Variants in GNB4 observed in about 807,000 individuals in gnomAD.
GNB4 encodes the protein guanine nucleotide-binding protein subunit beta-4.
Under a neutral mutation model 45.2 loss-of-function variants are expected in GNB4, and 28 were observed. That is an observed-to-expected ratio of 0.62 (90% CI 0.46 to 0.85). The LOEUF (loss-of-function observed/expected upper bound fraction) is 0.85. GNB4 is among the 40% of genes least tolerant of loss of function. The probability of loss-of-function intolerance (pLI) is 0.00; values close to 1 mark genes in which losing one functional copy is unlikely to be tolerated. For missense variants in GNB4, 321 were observed against 425.4 expected, an observed-to-expected ratio of 0.75 and a Z score of 2.16; for synonymous variants, 132 against 143.7, an observed-to-expected ratio of 0.92 and a Z score of 0.58.
intron 1 of GNB4, among the ~76,000 whole-genome samples, chr3:179,432,654 AT>A (rs2108610095): frequency 6.6e-6 from 1 of 152,312 alleles, no homozygotes; most frequent in African/African-American, 2.4e-5. Context: ...GACTATAAAA[AT>A]TTTTAATTCT....
the GNB4 span, among the ~76,000 whole-genome samples, chr3:179,519,951 T>G: frequency 2.0e-5 from 3 of 152,180 alleles, no homozygotes; most frequent in African/African-American, 7.2e-5. Context: ...TTCCCCCATT[T>G]TGTCTGTCCA....
the GNB4 span, among the ~76,000 whole-genome samples, chr3:179,496,392 C>G: frequency 1.3e-5 from 2 of 151,886 alleles, no homozygotes; most frequent in Middle Eastern, 3.4e-3. Context: ...AAAAAACAAC[C>G]AATCAAATCA....
chr3:179,420,415 C>T (rs1007558389), intron 3 of GNB4, among the ~76,000 whole-genome samples: 1 of 150,408 alleles, frequency 6.6e-6, no homozygotes, highest in African/African-American at 2.4e-5. Flanking sequence ...ACTGGGATTA[C>T]AGACATGAGC....
At chr3:179,466,783 C>T in the GNB4 span, among the ~76,000 whole-genome samples, 1 of 152,166 alleles carries the variant, frequency 6.6e-6, no homozygotes, top group Non-Finnish European at 1.5e-5. Flanking sequence ...ATATACATGA[C>T]ATGTAAGGTA....
the GNB4 span, among the ~76,000 whole-genome samples, chr3:179,508,918 C>T: frequency 5.3e-5 from 4 of 75,768 alleles, no homozygotes; most frequent in Admixed American, 1.6e-4. Flanking sequence ...ATCAAAACCT[C>T]TCTTTCAGCA....
intron 8 of GNB4, among the ~76,000 whole-genome samples, chr3:179,410,015 C>T (rs1714604912): frequency 6.6e-6 from 1 of 152,058 alleles, no homozygotes; most frequent in African/African-American, 2.4e-5. Context: ...ACAGTGAGTT[C>T]TCACGAGATC....
intron 8 of GNB4, among the ~76,000 whole-genome samples, chr3:179,412,813 C>T (rs906795074): frequency 1.3e-5 from 2 of 150,980 alleles, no homozygotes; most frequent in African/African-American, 2.4e-5. Context: ...AGAACATCCA[C>T]GATCTGCTTG....
the GNB4 span, among the ~76,000 whole-genome samples, chr3:179,509,034 T>G: frequency 6.7e-6 from 1 of 149,396 alleles, no homozygotes; most frequent in African/African-American, 2.5e-5. Context: ...AAATATGTAT[T>G]TCCTAGCTCT....
At chr3:179,462,017 T>G in the GNB4 span, among the ~76,000 whole-genome samples, 28 of 152,250 alleles carry the variant, frequency 1.8e-4, no homozygotes, top group Non-Finnish European at 4.1e-4. Flanking sequence ...TTTACTGAAT[T>G]ATATGTTCCT....
the GNB4 span, among the ~76,000 whole-genome samples, chr3:179,501,415 C>T: frequency 6.6e-6 from 1 of 151,774 alleles, no homozygotes; most frequent in Non-Finnish European, 1.5e-5. Flanking sequence ...TCTCCCACCT[C>T]AGCCTCTTGA....
the GNB4 span, among the ~76,000 whole-genome samples, chr3:179,459,859 C>G: frequency 6.6e-6 from 1 of 152,176 alleles, no homozygotes; most frequent in Non-Finnish European, 1.5e-5. Flanking sequence ...AGTTGGATCT[C>G]ATAAACAAAA....
intron 1 of GNB4, among the ~76,000 whole-genome samples, chr3:179,450,583 G>A (rs1715842796): frequency 1.3e-5 from 2 of 152,278 alleles, no homozygotes; most frequent in African/African-American, 4.8e-5. Context: ...GGGAAGGAGT[G>A]GGAGAAAAGG....
chr3:179,505,377 G>A, the GNB4 span, among the ~76,000 whole-genome samples: 1 of 152,096 alleles, frequency 6.6e-6, no homozygotes, highest in Non-Finnish European at 1.5e-5. Context: ...ATAGTACCTC[G>A]GAATTTAAAG....
rs11389978 is a variant in GNB4, at chr3:179,435,470, CA to C, written c.-42-9229del. On this transcript the variant is annotated intron_variant, in intron 1 of 9. Coordinates refer to ENST00000232564, the MANE Select transcript of GNB4 (RefSeq NM_021629.4). ...ATACACACACCATTCCTTTCTTTTA[CA>C]AAAAAAAAAAAAAAAAAAAATCAGA... is the stretch of plus-strand genomic sequence containing the variant. Among the ~76,000 whole-genome samples, 458 of 96,040 alleles carry C rather than the reference CA, an allele frequency of 4.8e-3. 2 individuals carry two copies. The highest frequency in any genetic ancestry group is 0.014 in the African/African-American group (337 of 23,590). 63.0% of individuals were successfully genotyped at this position (96,040 alleles called of 152,430 possible).
intron 1 of GNB4, among the ~76,000 whole-genome samples, chr3:179,441,577 T>TACAAAA (rs1457873505): frequency 6.6e-6 from 1 of 151,466 alleles, no homozygotes; most frequent in Non-Finnish European, 1.5e-5. Flanking sequence ...TTACTAAAAA[T>TACAAAA]ACAAAAACAA....
the GNB4 span, among the ~76,000 whole-genome samples, chr3:179,526,555 CA>C: frequency 6.6e-6 from 1 of 152,192 alleles, no homozygotes; most frequent in African/African-American, 2.4e-5. Context: ...AGCTGAGGGC[CA>C]CACTTTGGAC....
At chr3:179,451,636 G>A (rs1183510828), upstream of GNB4, 1 of 151,544 alleles carries the variant, frequency 6.6e-6, no homozygotes, top group East Asian at 1.9e-4. Flanking sequence ...GGGGGCGAAG[G>A]GAGCGGGCGC....
chr3:179,456,107 CTTTTT>C (rs10603569), upstream of GNB4, among the ~76,000 whole-genome samples: 1 of 122,618 alleles, frequency 8.2e-6, no homozygotes, highest in African/African-American at 3.2e-5. Context: ...GGGACATAGA[CTTTTT>C]TTTTTTTTTT....
At chr3:179,506,418 G>A in the GNB4 span, among the ~76,000 whole-genome samples, 2 of 152,162 alleles carry the variant, frequency 1.3e-5, no homozygotes, top group African/African-American at 4.8e-5. Flanking sequence ...GGGATTGTGA[G>A]TGATGTTTAA....
Sources: gnomAD v4.1 joint callset for allele counts (sites outside exome capture counted in the v4.1 genomes callset) on GRCh38, gnomAD v4.1.1 for gene constraint, MANE v1.5 for transcripts, NCBI Gene and HGNC (gene_info 2026-07-23, HGNC 2026-07-21) for gene names.